Variants in PATL1 observed in about 807,000 individuals in gnomAD.
The protein encoded by PATL1 is PAT1 homolog 1, processing body mRNA decay factor.
PATL1 carries 32 observed loss-of-function variants against 100.6 expected under a neutral mutation model. That is an observed-to-expected ratio of 0.32 (90% CI 0.24 to 0.43). The LOEUF is 0.43. Ranked by LOEUF, PATL1 falls within the 20% of genes least tolerant of loss-of-function variation. The pLI, the probability that PATL1 is intolerant of heterozygous loss-of-function variation, is 1.00. For synonymous variants in PATL1, 332 were observed against 330.0 expected (o/e 1.01, Z -0.07); for missense variants, 747 against 949.9 (o/e 0.79, Z 2.81).
chr11:59,639,099 A>C lies in PATL1; in HGVS notation c.2240T>G (p.Phe747Cys). The change falls in exon 18 of 19, where the codon TTT becomes TGT. Residue 747 changes from phenylalanine (F) to cysteine (C), a missense_variant. Phe to Cys is a radical substitution (Grantham distance 205). Coordinates refer to ENST00000300146, the MANE Select transcript of PATL1 (RefSeq NM_152716.3). ...TTTCTGCCGGTCAACATAGCGAGAA[A>C]AGAGGGACACTAGGTTTGTAGGTAT... ...ISIPTNLVSLFSRYVDRQKLN... is the reference protein window; with the variant it reads ...ISIPTNLVSLCSRYVDRQKLN... 1 of 1,613,986 alleles carries C rather than the reference A, an allele frequency of 6.2e-7. No individual in the cohort carries two copies. The highest frequency in any genetic ancestry group is 8.5e-7 in the Non-Finnish European group (1 of 1,179,876).
At chr11:59,668,208 TTAG>T (rs1292352578) in intron 1 of PATL1, among the ~76,000 whole-genome samples, 18 of 152,334 alleles carry the variant, frequency 1.2e-4, no homozygotes, top group African/African-American at 4.1e-4. Context: ...CGTCCAGAGA[TTAG>T]GAGTCACTCA....
intron 8 of PATL1, among the ~76,000 whole-genome samples, chr11:59,654,879 A>C (rs1005738509): frequency 4.6e-5 from 7 of 152,238 alleles, no homozygotes; most frequent in African/African-American, 1.7e-4. Flanking sequence ...GGTGGAGCTC[A>C]TCCAGCCAGT....
At position 59,656,497 on chromosome 11, in the gene PATL1, A is replaced by G; in HGVS notation, c.723+2T>C. 1 of 1,611,618 alleles carries G rather than the reference A, an allele frequency of 6.2e-7. No individual in the cohort carries two copies. The highest frequency in any genetic ancestry group is 8.5e-7 in the Non-Finnish European group (1 of 1,177,784). On this transcript the variant is annotated splice_donor_variant, in intron 6 of 18. Coordinates refer to ENST00000300146, the MANE Select transcript of PATL1 (RefSeq NM_152716.3). LOFTEE classifies it high-confidence loss of function. Reference sequence around the variant, plus strand: ...ATTTTTGTTAGGCTTAAAGTGACATACCGGGACACTGCAGAGCTGGTTTGG... The same window carrying G: ...ATTTTTGTTAGGCTTAAAGTGACATGCCGGGACACTGCAGAGCTGGTTTGG...
At position 59,650,816 on chromosome 11, in the gene PATL1, A is replaced by G; in HGVS notation, c.1525-3T>C. On this transcript the variant is annotated splice_region_variant and splice_polypyrimidine_tract_variant and intron_variant, in intron 12 of 18. Coordinates refer to ENST00000300146, the MANE Select transcript of PATL1 (RefSeq NM_152716.3). ...CGAACTTGTTTTTCTTTTGTCTCCTAAAAAAGAGAAGACTATTCAATGCAA... is the reference window on the plus strand; with the variant it reads ...CGAACTTGTTTTTCTTTTGTCTCCTGAAAAAGAGAAGACTATTCAATGCAA... 18 of 1,545,414 alleles carry G rather than the reference A, an allele frequency of 1.2e-5. No individual in the cohort carries two copies. The highest frequency in any genetic ancestry group is 1.6e-5 in the Non-Finnish European group (18 of 1,140,340).
intron 4 of PATL1, among the ~76,000 whole-genome samples, 187 bp downstream of exon 4, chr11:59,658,679 C>T (rs1861577974): frequency 6.6e-6 from 1 of 152,090 alleles, no homozygotes; most frequent in Non-Finnish European, 1.5e-5. Flanking sequence ...AATTTAAATT[C>T]CAATGGCTCC....
chr11:59,655,685 C>T lies in PATL1; in HGVS notation c.869G>A (p.Gly290Asp). ...SQFARVPGFV[G>D]SPLAAMNPKL... Reference sequence around the variant, plus strand: ...GGGATTCATGGCAGCAAGTGGACTACCAACAAATCCAGGGACCCGTGCAAA... The same window carrying T: ...GGGATTCATGGCAGCAAGTGGACTATCAACAAATCCAGGGACCCGTGCAAA... The change falls in exon 8 of 19, where the codon GGT (glycine) becomes GAT (aspartate). Residue 290 changes from glycine to aspartate, a missense_variant. Around this residue, in one of 4 missense-constraint regions of PATL1, gnomAD observed 434 missense variants for 596.1 expected, o/e 0.73. Coordinates refer to ENST00000300146, the MANE Select transcript of PATL1 (RefSeq NM_152716.3). 1 of 1,604,950 alleles carries T rather than the reference C, an allele frequency of 6.2e-7. No individual in the cohort carries two copies. Among genetic ancestry groups the T allele is most frequent in the Non-Finnish European group, 8.5e-7 (1 of 1,175,708 alleles).
At chr11:59,662,853 C>A (rs999868751) in intron 2 of PATL1, among the ~76,000 whole-genome samples, 1 of 152,052 alleles carries the variant, frequency 6.6e-6, no homozygotes, top group Admixed American at 6.5e-5. Context: ...TAATCTATTT[C>A]CCCTTAATAA....
chr11:59,656,574 A>T lies in PATL1; in HGVS notation c.648T>A (p.Val216=). The change falls in exon 6 of 19, where the codon GTT becomes GTA. Residue 216 remains valine (V), a synonymous_variant. Coordinates refer to ENST00000300146, the MANE Select transcript of PATL1 (RefSeq NM_152716.3). ...QQILCPKPVH[V]RPPMPPRYPA... ...GATAACGAGGTGGCATTGGGGGCCG[A>T]ACATGGACAGGCTTCGGACACAGAA... is the stretch of plus-strand genomic sequence containing the variant. The T allele has an allele frequency of 6.2e-7, 1 of 1,614,006 alleles. No individual in the cohort carries two copies. Among genetic ancestry groups the T allele is most frequent in the Non-Finnish European group, 8.5e-7 (1 of 1,179,884 alleles).
chr11:59,657,873 T>C, intron 4 of PATL1, 149 bp from the exon 5 acceptor site: 1 of 686,086 alleles, frequency 1.5e-6, no homozygotes, highest in Non-Finnish European at 2.2e-6. Context: ...TTTTGGTATA[T>C]GGTTCTCTGA....
intron 11 of PATL1, 36 bp from the exon 12 acceptor site, chr11:59,651,677 T>C (rs1319249591): frequency 7.1e-7 from 1 of 1,414,366 alleles, no homozygotes; most frequent in Non-Finnish European, 9.8e-7. Flanking sequence ...TCCAACAAAA[T>C]AAAAAGTCAG....
chr11:59,657,824 T>C (rs1861558420), intron 4 of PATL1, 100 bp from the exon 5 acceptor site: 2 of 883,324 alleles, frequency 2.3e-6, no homozygotes, highest in African/African-American at 3.4e-5. Context: ...TTTTTTTAAC[T>C]TTTTATTTAT....
rs1861738892 is a variant in PATL1, at chr11:59,668,977, G to C, written c.-82C>G. 3 of 318,244 alleles carry C rather than the reference G, an allele frequency of 9.4e-6. No homozygotes were observed. The highest frequency in any genetic ancestry group is 2.0e-4 in the South Asian group (2 of 9,908). 19.7% of individuals were successfully genotyped at this position (318,244 alleles called of 1,614,324 possible). A position where few individuals can be genotyped will look rare whatever the true frequency, so the allele number is the denominator to read the frequency against. On this transcript the variant is annotated 5_prime_UTR_variant, in exon 1 of 19. Transcript: ENST00000300146. ...CTGACTCCCCGGCTCCTCCGCGCGC[G>C]GGTCCTCCACCGGCTCGCGACCCCT...
intron 16 of PATL1, among the ~76,000 whole-genome samples, chr11:59,642,277 A>G (rs959788059): frequency 2.6e-5 from 4 of 152,220 alleles, no homozygotes; most frequent in African/African-American, 9.6e-5. Context: ...GGATGATTCT[A>G]CTATTCATAG....
intron 2 of PATL1, among the ~76,000 whole-genome samples, chr11:59,665,524 G>C (rs184896464): frequency 6.6e-6 from 1 of 152,330 alleles, no homozygotes; most frequent in Admixed American, 6.5e-5. Flanking sequence ...GTTTTGGCCA[G>C]GCGTGGTGGC....
Position 59,653,037 on chromosome 11 carries a change from AT to A in PATL1, c.1122-20del. The A allele has an allele frequency of 6.3e-7, 1 of 1,582,638 alleles. No individual in the cohort carries two copies. On this transcript the variant is annotated intron_variant, in intron 9 of 18. Coordinates refer to ENST00000300146, the MANE Select transcript of PATL1 (RefSeq NM_152716.3). ...ATGCTGACTGAAAAACATACACCAC[AT>A]TCATTCCATGTGGGCAAATTAATTA... is the stretch of plus-strand genomic sequence containing the variant.
chr11:59,668,803 G>T, intron 1 of PATL1, 78 bp downstream of exon 1: 2 of 746,880 alleles, frequency 2.7e-6, no homozygotes, highest in Non-Finnish European at 2.2e-6. Context: ...CAGGAACACA[G>T]GACCGGCGCG....
chr11:59,658,936 C>T lies in PATL1; in HGVS notation c.356G>A (p.Gly119Glu). The T allele has an allele frequency of 6.5e-7, 1 of 1,549,586 alleles. No individual in the cohort carries two copies. Among genetic ancestry groups the T allele is most frequent in the Non-Finnish European group, 8.7e-7 (1 of 1,146,498 alleles). ...QTRPVLQPQP[G>E]SLNSSIWDGS... ...ATCCCAGATACTGGAATTCAGACTT[C>T]CTGGTTGGGGCTAACAAAAAAGGAA... Residue 119 changes from glycine to glutamate, a missense_variant, in exon 4 of 19, where the codon GGA becomes GAA. Physicochemically the swap from Gly to Glu is moderately conservative, Grantham distance 98. Around this residue, in one of 4 missense-constraint regions of PATL1, gnomAD observed 183 missense variants for 221.2 expected, o/e 0.83. Coordinates refer to ENST00000300146, the MANE Select transcript of PATL1 (RefSeq NM_152716.3).
At chr11:59,659,493 A>C (rs1444493470) in intron 2 of PATL1, 24 bp from the exon 3 acceptor site, 1 of 1,542,624 alleles carries the variant, frequency 6.5e-7, no homozygotes, top group Non-Finnish European at 8.7e-7. Flanking sequence ...CAGTTCATGT[A>C]AGAAATAGTT....
chr11:59,655,939 G>A lies in PATL1; in HGVS notation c.813+17C>T, dbSNP rs1394582100. The A allele has an allele frequency of 1.3e-6, 2 of 1,552,802 alleles. No individual in the cohort carries two copies. Among genetic ancestry groups the A allele is most frequent in the Non-Finnish European group, 1.8e-6 (2 of 1,137,832 alleles). On this transcript the variant is annotated intron_variant, in intron 7 of 18. Transcript: ENST00000300146. ...AGTAGGAGAGTTCTTTATGGGTAGG[G>A]CTAATCACAGGCTTACCTGTGCTCC...
Sources: allele counts gnomAD v4.1 joint callset (sites outside exome capture counted in the v4.1 genomes callset), GRCh38; gene constraint gnomAD v4.1.1; regional missense constraint gnomAD v4.1.1; transcripts MANE v1.5; gene names NCBI Gene and HGNC (gene_info 2026-07-23, HGNC 2026-07-21).